Variants in TMEM14B observed in about 807,000 individuals in gnomAD.
The protein encoded by TMEM14B is transmembrane protein 14B.
In TMEM14B, 9 loss-of-function variants were observed where a neutral mutation model predicts 14.8. The ratio of observed to expected loss-of-function variants is 0.61; its 90% confidence interval spans 0.37 to 1.06. TMEM14B has a LOEUF of 1.06. TMEM14B is among the 50% of genes least tolerant of loss of function. The probability of loss-of-function intolerance (pLI) is 0.01; values close to 1 mark genes in which losing one functional copy is unlikely to be tolerated. For synonymous variants in TMEM14B, 40 were observed against 51.3 expected, an observed-to-expected ratio of 0.78 and a Z score of 0.94; for missense variants, 128 against 143.6, an observed-to-expected ratio of 0.89 and a Z score of 0.56.
rs146042312 is a variant in TMEM14B, at chr6:10,751,137, C to T, written c.105C>T (p.Ser35=). 2.9e-5 allele frequency: 46 copies of T among 1,613,508 alleles called. No individual in the cohort carries two copies. Among genetic ancestry groups the T allele is most frequent in the African/African-American group, 2.1e-4 (16 of 74,756 alleles). ...GCTGCGTTTGCTTCCTTCTAGGCAG[C>T]GTGCCGTCCCTGGCTGCAGGGCTGC... ...GGIVGYVKTG[S]VPSLAAGLLF... is the part of the protein sequence containing the mutation. The change falls in exon 4 of 6, where the codon AGC becomes AGT. Residue 35 remains serine (S), a synonymous_variant. Transcript: ENST00000379542.
downstream of TMEM14B, chr6:10,759,529 G>C (rs181581470): frequency 6.6e-6 from 1 of 152,312 alleles, no homozygotes; most frequent in East Asian, 1.9e-4. Flanking sequence ...GCCTTCAGAA[G>C]AGGATGCACC....
At chr6:10,749,306 C>T in intron 2 of TMEM14B, 38 bp downstream of exon 2, 2 of 1,612,642 alleles carry the variant, frequency 1.2e-6, no homozygotes, top group Middle Eastern at 3.3e-4. Context: ...TAGCCAGGAG[C>T]TTCTGGAAAC....
Position 10,748,255 on chromosome 6 carries a change from TG to T in TMEM14B, c.-45+380del, listed in dbSNP as rs372726371. Reference sequence around the variant, plus strand: ...ATGGGAAATTAATTCTTTCTTTTTTTGGGGGGTGGGGAGGGGTTCTCGCTGT... The same window carrying T: ...ATGGGAAATTAATTCTTTCTTTTTTTGGGGGTGGGGAGGGGTTCTCGCTGT... On this transcript the variant is annotated intron_variant, in intron 1 of 5. Transcript: ENST00000379542. Among the ~76,000 whole-genome samples, 50 of 151,768 alleles carry T rather than the reference TG, an allele frequency of 3.3e-4. 1 individual carries two copies. The East Asian group carries it at 8.7e-3, about 26-fold the overall frequency.
chr6:10,757,689 C>T (rs990932568), downstream of TMEM14B, among the ~76,000 whole-genome samples: 1 of 152,046 alleles, frequency 6.6e-6, no homozygotes, highest in African/African-American at 2.4e-5. Flanking sequence ...AGTTTTCATT[C>T]CCTCTTTAAA....
rs986465785 is a variant in TMEM14B, at chr6:10,751,157, G to A, written c.125G>A (p.Gly42Glu). 12 of 1,613,900 alleles carry A rather than the reference G, an allele frequency of 7.4e-6. No individual in the cohort carries two copies. The South Asian group carries it at 8.8e-5, about 12-fold the overall frequency. Residue 42 changes from glycine (G) to glutamate (E), a missense_variant, in exon 4 of 6, where the codon GGG (glycine) becomes GAG (glutamate). Transcript: ENST00000379542. ...KTGSVPSLAA[G>E]LLFGSLAGLG... Reference sequence around the variant, plus strand: ...GGCAGCGTGCCGTCCCTGGCTGCAGGGCTGCTCTTCGGCAGTCTAGCCGGC... The same window carrying A: ...GGCAGCGTGCCGTCCCTGGCTGCAGAGCTGCTCTTCGGCAGTCTAGCCGGC...
chr6:10,755,052 A>G, intron 4 of TMEM14B, 90 bp from the exon 5 acceptor site: 2 of 1,368,656 alleles, frequency 1.5e-6, no homozygotes, highest in Non-Finnish European at 2.0e-6. Context: ...ATGAGGCGTG[A>G]GCCTTGAGAG....
At chr6:10,750,316 A>G (rs979150900) in intron 3 of TMEM14B, among the ~76,000 whole-genome samples, 1 of 151,650 alleles carries the variant, frequency 6.6e-6, no homozygotes, top group African/African-American at 2.4e-5. Flanking sequence ...AAAACGCCAC[A>G]CTTTGAGACG....
intron 1 of TMEM14B, among the ~76,000 whole-genome samples, chr6:10,748,224 C>T (rs1178090461): frequency 1.3e-5 from 2 of 151,902 alleles, no homozygotes; most frequent in Non-Finnish European, 1.5e-5. Flanking sequence ...TGCCCTTCCC[C>T]GTTTTATGGG....
chr6:10,751,314 G>T, intron 4 of TMEM14B, 80 bp downstream of exon 4: 2 of 1,515,176 alleles, frequency 1.3e-6, no homozygotes. Context: ...TTGGTGGGAT[G>T]GAGCGAGTTC....
At chr6:10,755,378 T>A (rs1771765228) in intron 5 of TMEM14B, 146 bp downstream of exon 5, 1 of 1,526,770 alleles carries the variant, frequency 6.5e-7, no homozygotes. Flanking sequence ...AGGAGATGCT[T>A]CAAAAACAAT....
chr6:10,756,358 C>T (rs1771800337), intron 5 of TMEM14B, 109 bp from the exon 6 acceptor site: 2 of 1,304,194 alleles, frequency 1.5e-6, no homozygotes, highest in Non-Finnish European at 2.1e-6. Flanking sequence ...TGCCTTAGTA[C>T]CTCCTCCCCC....
intron 4 of TMEM14B, 36 bp from the exon 5 acceptor site, chr6:10,755,106 C>CTAA: frequency 6.2e-7 from 1 of 1,609,630 alleles, no homozygotes; most frequent in East Asian, 2.2e-5. Context: ...GCGTAGAAGA[C>CTAA]TAATGAGTTT....
At chr6:10,757,717 G>A (rs1336620253), downstream of TMEM14B, among the ~76,000 whole-genome samples, 9 of 152,178 alleles carry the variant, frequency 5.9e-5, no homozygotes, top group Admixed American at 2.6e-4. Flanking sequence ...GGAGCTGGGC[G>A]CGGTGGCTCA....
chr6:10,754,211 C>T (rs1310906757), intron 4 of TMEM14B, among the ~76,000 whole-genome samples: 1 of 152,186 alleles, frequency 6.6e-6, no homozygotes, highest in Non-Finnish European at 1.5e-5. Context: ...CAGAGTGAGA[C>T]TCTGTCTCAA....
chr6:10,750,273 G>A (rs1771496751), intron 3 of TMEM14B, among the ~76,000 whole-genome samples: 1 of 151,814 alleles, frequency 6.6e-6, no homozygotes, highest in African/African-American at 2.4e-5. Flanking sequence ...GATGAGGCCT[G>A]ATTAGAAAGT....
At chr6:10,748,817 A>C (rs1425136785) in intron 1 of TMEM14B, among the ~76,000 whole-genome samples, 1 of 152,184 alleles carries the variant, frequency 6.6e-6, no homozygotes, top group Non-Finnish European at 1.5e-5. Flanking sequence ...CAACATCCCT[A>C]CCACCCCTCA....
chr6:10,755,697 G>A (rs932921264), intron 5 of TMEM14B: 1 of 1,040,774 alleles, frequency 9.6e-7, no homozygotes, highest in Non-Finnish European at 1.2e-6. Flanking sequence ...GCTCACACCT[G>A]TAATCCAAGC....
chr6:10,757,719 G>A (rs567026224), downstream of TMEM14B, among the ~76,000 whole-genome samples: 74 of 152,222 alleles, frequency 4.9e-4, no homozygotes, highest in African/African-American at 1.5e-3. Flanking sequence ...AGCTGGGCGC[G>A]GTGGCTCACG....
intron 5 of TMEM14B, 135 bp downstream of exon 5, chr6:10,755,367 T>C: frequency 1.3e-6 from 2 of 1,538,588 alleles, no homozygotes; most frequent in Non-Finnish European, 1.7e-6. Flanking sequence ...TATACACTAA[T>C]AGGAGATGCT....
Sources: allele counts gnomAD v4.1 joint callset (sites outside exome capture counted in the v4.1 genomes callset), GRCh38; gene constraint gnomAD v4.1.1; transcripts MANE v1.5; gene names NCBI Gene and HGNC (gene_info 2026-07-23, HGNC 2026-07-21).